The following HSD11B1 variants were observed in gnomAD, a reference collection of about 807,000 sequenced individuals.
HSD11B1 encodes the protein 11-beta-hydroxysteroid dehydrogenase 1.
In HSD11B1, 15 loss-of-function variants were observed where a neutral mutation model predicts 22.1. The observed-to-expected ratio is 0.68, with a 90% CI of 0.45 to 1.04. HSD11B1 has a LOEUF of 1.04. Ranked by LOEUF, HSD11B1 falls within the 50% of genes least tolerant of loss-of-function variation. The pLI, the probability that HSD11B1 is intolerant of heterozygous loss-of-function variation, is 0.00. For missense variants in HSD11B1, 281 were observed against 357.6 expected, an observed-to-expected ratio of 0.79 and a Z score of 1.73; for synonymous variants, 122 against 125.2, an observed-to-expected ratio of 0.97 and a Z score of 0.17.
chr1:209,703,546 A>T (rs36212448), upstream of HSD11B1, among the ~76,000 whole-genome samples: 12 of 152,240 alleles, frequency 7.9e-5, no homozygotes, highest in South Asian at 1.2e-3. Flanking sequence ...TCTACAAGTG[A>T]CCCTCACAGC....
At chr1:209,710,992 G>T (rs2076891354) in intron 4 of HSD11B1, among the ~76,000 whole-genome samples, 1 of 152,210 alleles carries the variant, frequency 6.6e-6, no homozygotes, top group Admixed American at 6.5e-5. Context: ...ACTTTGAGTT[G>T]AGTTGACTAG....
At chr1:209,714,274 T>C (rs1353471469) in intron 4 of HSD11B1, among the ~76,000 whole-genome samples, 2 of 152,222 alleles carry the variant, frequency 1.3e-5, no homozygotes, top group Non-Finnish European at 2.9e-5. Context: ...AAAATCATGT[T>C]ACAGATCTAT....
At chr1:209,693,155 C>T (rs1284447680) in intron 1 of HSD11B1, among the ~76,000 whole-genome samples, 1 of 152,142 alleles carries the variant, frequency 6.6e-6, no homozygotes, top group African/African-American at 2.4e-5. Context: ...TCGTTCAGTT[C>T]CCTATTAGGT....
intron 4 of HSD11B1, among the ~76,000 whole-genome samples, chr1:209,709,144 A>G (rs2076879041): frequency 2.0e-5 from 3 of 152,216 alleles, no homozygotes; most frequent in Admixed American, 2.0e-4. Flanking sequence ...TCAGCCAAAC[A>G]GTACTGGGAT....
upstream of HSD11B1, among the ~76,000 whole-genome samples, chr1:209,701,700 C>T (rs2076827916): frequency 6.6e-6 from 1 of 152,218 alleles, no homozygotes; most frequent in South Asian, 2.1e-4. Context: ...ACTACAGCTG[C>T]CACCTTCTAA....
At chr1:209,712,769 G>A (rs2076905828) in intron 4 of HSD11B1, among the ~76,000 whole-genome samples, 3 of 152,112 alleles carry the variant, frequency 2.0e-5, no homozygotes, top group South Asian at 4.1e-4. Context: ...TGTTTCCTTT[G>A]GCCAGGCGCA....
intron 4 of HSD11B1, among the ~76,000 whole-genome samples, chr1:209,725,039 C>A (rs1048491075): frequency 3.9e-5 from 6 of 152,104 alleles, no homozygotes; most frequent in Non-Finnish European, 5.9e-5. Context: ...ATGAATTTAA[C>A]CTGAACTGAA....
At chr1:209,712,443 G>T (rs2076903614) in intron 4 of HSD11B1, among the ~76,000 whole-genome samples, 1 of 152,100 alleles carries the variant, frequency 6.6e-6, no homozygotes, top group African/African-American at 2.4e-5. Flanking sequence ...ATGATATAAG[G>T]CATAGGCACC....
intron 4 of HSD11B1, among the ~76,000 whole-genome samples, chr1:209,714,270 A>T (rs2102381151): frequency 6.6e-6 from 1 of 152,346 alleles, no homozygotes; most frequent in East Asian, 1.9e-4. Context: ...GATAAAAATC[A>T]TGTTACAGAT....
At chr1:209,730,683 CAA>C (rs2077030152) in intron 4 of HSD11B1, among the ~76,000 whole-genome samples, 1 of 152,078 alleles carries the variant, frequency 6.6e-6, no homozygotes, top group African/African-American at 2.4e-5. Flanking sequence ...TGACATAAAA[CAA>C]AGAGTTAATT....
rs146706279 is a variant in HSD11B1 at position 209,730,808 on chromosome 1, G to T, written c.518-1628G>T. Among the ~76,000 whole-genome samples, 15 of 152,174 alleles carry T rather than the reference G, an allele frequency of 9.9e-5. No homozygotes were observed. In the East Asian group the frequency reaches 1.5e-3, roughly 16 times the overall value. The stretch of plus-strand genomic sequence containing the variant: ...TGAAACATATAGAAATTCCAATTCC[G>T]ATAACTGCAAGAGTGGCACCCGAAA... On this transcript the variant is annotated intron_variant, in intron 4 of 5. Coordinates refer to ENST00000367027, the MANE Select transcript of HSD11B1 (RefSeq NM_005525.4).
chr1:209,690,496 A>AGTT (rs1206261739), intron 1 of HSD11B1, among the ~76,000 whole-genome samples: 12 of 152,144 alleles, frequency 7.9e-5, no homozygotes, highest in Non-Finnish European at 1.6e-4. Context: ...CAGGAGTTCA[A>AGTT]GACCAACCTG....
chr1:209,712,744 CAGAA>C (rs2102379314), intron 4 of HSD11B1, among the ~76,000 whole-genome samples: 1 of 152,082 alleles, frequency 6.6e-6, no homozygotes, highest in African/African-American at 2.4e-5. Flanking sequence ...AAATATGTAC[CAGAA>C]GCCTTAAGAA....
chr1:209,709,396 AT>A (rs1330280836), intron 4 of HSD11B1, among the ~76,000 whole-genome samples: 2 of 152,152 alleles, frequency 1.3e-5, no homozygotes, highest in African/African-American at 4.8e-5. Context: ...CTTGGCACCT[AT>A]TGAGCAAGTT....
intron 4 of HSD11B1, among the ~76,000 whole-genome samples, chr1:209,731,396 C>T (rs1337419756): frequency 1.3e-5 from 2 of 151,674 alleles, no homozygotes; most frequent in Admixed American, 6.6e-5. Context: ...GGATACAATA[C>T]AAAATTAACA....
intron 1 of HSD11B1, among the ~76,000 whole-genome samples, chr1:209,691,904 G>A (rs1255398297): frequency 6.6e-6 from 1 of 152,142 alleles, no homozygotes; most frequent in Non-Finnish European, 1.5e-5. Context: ...TGTGGAGTTG[G>A]TTTTCAGGGG....
rs562352197 is a variant in HSD11B1 at position 209,706,162 on chromosome 1, G to T, written c.219+221G>T. ...TTTAAGCATTCATTCATGTGTGTGT[G>T]TGTAATATATTCTGCAACAGAGTCC... On this transcript the variant is annotated intron_variant, in intron 2 of 5. Coordinates refer to ENST00000367027, the MANE Select transcript of HSD11B1 (RefSeq NM_005525.4). This position sits in a 1 kb window ranked among gnomAD's most constrained non-coding sequence, Gnocchi z 4.0. Among the ~76,000 whole-genome samples the T allele has an allele frequency of 6.6e-6, 1 of 152,278 alleles. No individual in the cohort carries two copies. Among genetic ancestry groups the T allele is most frequent in the South Asian group, 2.1e-4 (1 of 4,824 alleles).
At chr1:209,717,045 G>A (rs908769572) in intron 4 of HSD11B1, among the ~76,000 whole-genome samples, 1 of 152,012 alleles carries the variant, frequency 6.6e-6, no homozygotes, top group Non-Finnish European at 1.5e-5. Context: ...AACAAAAATA[G>A]ACAAAGAGGA....
intron 4 of HSD11B1, chr1:209,724,147 A>G (rs920990879): frequency 6.6e-6 from 1 of 152,292 alleles, no homozygotes; most frequent in Non-Finnish European, 1.5e-5. Flanking sequence ...AGGTCCACCT[A>G]CAAGGGAGAG....
Sources: allele counts gnomAD v4.1 joint callset (sites outside exome capture counted in the v4.1 genomes callset), GRCh38; gene constraint gnomAD v4.1.1; non-coding constraint Gnocchi (gnomAD v3.1); transcripts MANE v1.5; gene names NCBI Gene and HGNC (gene_info 2026-07-23, HGNC 2026-07-21).